HEXB: variants seen among roughly 807,000 people sequenced by gnomAD.
HEXB encodes hexosaminidase subunit beta.
Under a neutral mutation model 71.2 loss-of-function variants are expected in HEXB, and 51 were observed. The observed-to-expected ratio is 0.72, with a 90% CI of 0.57 to 0.90. HEXB has a LOEUF of 0.90. Among genes scored for constraint, HEXB ranks in the 40% least tolerant of loss-of-function variants. The pLI is 0.00. For missense variants in HEXB, 617 were observed against 677.0 expected (o/e 0.91, Z 0.98); for synonymous variants, 266 against 249.3 (o/e 1.07, Z -0.63).
At position 74,685,234 on chromosome 5, in the gene HEXB, G is replaced by A; in HGVS notation, c.-27G>A. On this transcript the variant is annotated 5_prime_UTR_variant, in exon 1 of 14. Transcript: ENST00000261416. The stretch of plus-strand genomic sequence containing the variant: ...CGGGTCCCGAGGCTCCGGCTCGGCA[G>A]ACCGGGCGGAAAGCAGCCGAGCGGC... 1.3e-6 allele frequency: 2 copies of A among 1,487,558 alleles called. No individual in the cohort carries two copies. Among genetic ancestry groups the A allele is most frequent in the Admixed American group, 2.2e-5 (1 of 44,676 alleles). 92.1% of individuals were successfully genotyped at this position (1,487,558 alleles called of 1,614,324 possible). A position where few individuals can be genotyped will look rare whatever the true frequency, so the allele number is the denominator to read the frequency against.
At chr5:74,709,583 G>A (rs373379450) in intron 6 of HEXB, among the ~76,000 whole-genome samples, 12 of 152,034 alleles carry the variant, frequency 7.9e-5, no homozygotes, top group African/African-American at 2.2e-4. Flanking sequence ...TCAAATAGAC[G>A]CAATAAAAAA....
At chr5:74,650,327 G>A (rs1222778824) in intron 1 of HEXB, among the ~76,000 whole-genome samples, 2 of 152,288 alleles carry the variant, frequency 1.3e-5, no homozygotes, top group South Asian at 2.1e-4. Flanking sequence ...TTAGAGGACA[G>A]ATGCTAAACA....
At chr5:74,673,348 T>C (rs1455353201) in intron 1 of HEXB, among the ~76,000 whole-genome samples, 1 of 152,198 alleles carries the variant, frequency 6.6e-6, no homozygotes, top group African/African-American at 2.4e-5. Context: ...GGGTTGCTTA[T>C]GGATATGTCA....
At chr5:74,656,972 G>T (rs574430245) in intron 1 of HEXB, among the ~76,000 whole-genome samples, 1 of 152,022 alleles carries the variant, frequency 6.6e-6, no homozygotes, top group Admixed American at 6.6e-5. Flanking sequence ...CTGCTGCTTC[G>T]TTGGCTGTGC....
intron 1 of HEXB, among the ~76,000 whole-genome samples, chr5:74,660,241 A>AG (rs1748294821): frequency 6.6e-6 from 1 of 152,176 alleles, no homozygotes; most frequent in Admixed American, 6.5e-5. Context: ...AGCCCTAAAT[A>AG]ATGACTTGTG....
At chr5:74,701,622 GTT>G (rs1407509326) in intron 5 of HEXB, among the ~76,000 whole-genome samples, 1 of 151,776 alleles carries the variant, frequency 6.6e-6, no homozygotes, top group Non-Finnish European at 1.5e-5. Context: ...TTTTATTTTT[GTT>G]TTTGTTTGTA....
At chr5:74,709,555 TAAAA>T (rs1028034959) in intron 6 of HEXB, among the ~76,000 whole-genome samples, 1 of 151,310 alleles carries the variant, frequency 6.6e-6, no homozygotes, top group Non-Finnish European at 1.5e-5. Context: ...GCAAGACTAA[TAAAA>T]AAAGAGAGAA....
intron 1 of HEXB, among the ~76,000 whole-genome samples, chr5:74,651,204 A>C (rs559969211): frequency 1.1e-4 from 17 of 152,268 alleles, no homozygotes; most frequent in Non-Finnish European, 1.9e-4. Flanking sequence ...TGAGAGAATA[A>C]ATACTTTGCC....
intron 3 of HEXB, among the ~76,000 whole-genome samples, chr5:74,695,525 T>C (rs1199991139): frequency 6.6e-6 from 1 of 150,456 alleles, no homozygotes; most frequent in Admixed American, 6.6e-5. Flanking sequence ...TTGATGTTTG[T>C]TCTGATCCAT....
intron 6 of HEXB, among the ~76,000 whole-genome samples, chr5:74,707,069 A>T (rs377026028): frequency 1.5e-5 from 2 of 133,896 alleles, no homozygotes; most frequent in African/African-American, 2.7e-5. Context: ...CACCTCACAC[A>T]GCCGGGTATT....
At chr5:74,669,654 T>C (rs1748496756) in intron 1 of HEXB, among the ~76,000 whole-genome samples, 1 of 152,048 alleles carries the variant, frequency 6.6e-6, no homozygotes, top group Admixed American at 6.6e-5. Context: ...ACCAGCACCA[T>C]GCTGACTGTA....
intron 11 of HEXB, 112 bp from the exon 12 acceptor site, chr5:74,720,316 C>T (rs1193235444): frequency 1.4e-5 from 12 of 846,068 alleles, no homozygotes; most frequent in South Asian, 4.1e-5. Context: ...CTGCTAACCA[C>T]GGGCAAGAAA....
chr5:74,654,508 C>A (rs1200390098), intron 1 of HEXB, among the ~76,000 whole-genome samples: 1 of 152,014 alleles, frequency 6.6e-6, no homozygotes, highest in African/African-American at 2.4e-5. Flanking sequence ...GTGAGGTAAA[C>A]CCTTACTGGT....
chr5:74,685,406 C>G lies in HEXB; in HGVS notation c.146C>G (p.Ser49Trp). 1 of 1,596,654 alleles carries G rather than the reference C, an allele frequency of 6.3e-7. No individual in the cohort carries two copies. Among genetic ancestry groups the G allele is most frequent in the Non-Finnish European group, 8.5e-7 (1 of 1,173,800 alleles). Residue 49 changes from serine to tryptophan, a missense_variant, in exon 1 of 14, where the codon TCG becomes TGG. Physicochemically the swap from Ser to Trp is radical, Grantham distance 177 (BLOSUM62 -3). Coordinates refer to ENST00000261416, the MANE Select transcript of HEXB (RefSeq NM_000521.4). The part of the protein sequence containing the change: ...VAEAARAPSV[S>W]AKPGPALWPL... ...GAGGCGGCTCGGGCCCCGAGCGTCT[C>G]GGCCAAGCCGGGGCCGGCGCTGTGG...
chr5:74,664,053 T>C (rs573867067), intron 1 of HEXB, among the ~76,000 whole-genome samples: 244 of 152,112 alleles, frequency 1.6e-3, no homozygotes, highest in African/African-American at 5.6e-3. Flanking sequence ...GTCAGGAGTT[T>C]GTGACCAGGC....
chr5:74,710,113 G>A (rs907177591), intron 6 of HEXB, among the ~76,000 whole-genome samples: 5 of 152,020 alleles, frequency 3.3e-5, no homozygotes, highest in African/African-American at 1.2e-4. Context: ...TTCATCCCTG[G>A]GACGCAAGCC....
At chr5:74,642,067 C>A (rs1306911449) in intron 1 of HEXB, among the ~76,000 whole-genome samples, 1 of 152,172 alleles carries the variant, frequency 6.6e-6, no homozygotes, top group East Asian at 1.9e-4. Flanking sequence ...TAAGGAGGCC[C>A]CACATGGCGC....
intron 5 of HEXB, among the ~76,000 whole-genome samples, chr5:74,702,330 G>A (rs923143057): frequency 6.6e-6 from 1 of 151,666 alleles, no homozygotes; most frequent in East Asian, 1.9e-4. Flanking sequence ...CGCCCGCCTC[G>A]GCCTCCCAAA....
At chr5:74,690,515 G>C (rs1304849558) in intron 2 of HEXB, among the ~76,000 whole-genome samples, 1 of 151,910 alleles carries the variant, frequency 6.6e-6, no homozygotes, top group African/African-American at 2.4e-5. Flanking sequence ...AGCCAAGCGT[G>C]TTGGTGCGTA....
Sources: gnomAD v4.1 joint callset for allele counts (sites outside exome capture counted in the v4.1 genomes callset) on GRCh38, gnomAD v4.1.1 for gene constraint, MANE v1.5 for transcripts, NCBI Gene and HGNC (gene_info 2026-07-23, HGNC 2026-07-21) for gene names.